Variants in ITGA11 observed in about 807,000 individuals in gnomAD.
ITGA11 encodes the protein integrin alpha-11.
ITGA11 carries 97 observed loss-of-function variants against 141.9 expected under a neutral mutation model. The observed-to-expected ratio is 0.68, with a 90% CI of 0.58 to 0.81. The LOEUF is 0.81. ITGA11 is among the 30% of genes least tolerant of loss of function. ITGA11 has a pLI of 0.00. For synonymous variants in ITGA11, 658 were observed against 624.6 expected, an observed-to-expected ratio of 1.05 and a Z score of -0.80; for missense variants, 1,387 against 1,559.2, an observed-to-expected ratio of 0.89 and a Z score of 1.86.
chr15:68,396,927 A>T (rs1281312793), intron 2 of ITGA11, among the ~76,000 whole-genome samples: 1 of 33,630 alleles, frequency 3.0e-5, no homozygotes, highest in African/African-American at 1.4e-4. Flanking sequence ...TATTTATTAT[A>T]TAATATATAA....
Position 68,303,776 on chromosome 15 carries a change from C to T in ITGA11, c.3491G>A (p.Trp1164Ter). 1 of 1,607,108 alleles carries T rather than the reference C, an allele frequency of 6.2e-7. No homozygotes were observed. Among genetic ancestry groups the T allele is most frequent in the Non-Finnish European group, 8.5e-7 (1 of 1,175,064 alleles). ...LLLALLVLAL[W>*]KLGFFRSARR... ...CTCCCCTGCCAGGGCCCTCACCTTC[C>T]ACAGTGCCAGGACCAGCAGGGCCAG... Residue 1164 changes from tryptophan to a stop codon, truncating the protein, a stop_gained, in exon 29 of 30, where the codon TGG becomes TAG. Coordinates refer to ENST00000315757, the MANE Select transcript of ITGA11 (RefSeq NM_001004439.2). LOFTEE classifies it high-confidence loss of function. This position sits in a 1 kb window ranked among gnomAD's most constrained non-coding sequence, Gnocchi z 5.3.
In ITGA11 at chr15:68,307,529, C is replaced by T. The variant is rs1893239206; in HGVS notation, c.3285+57G>A. 3.3e-6 allele frequency: 5 copies of T among 1,519,178 alleles called. No homozygotes were observed. The South Asian group carries it at 4.7e-5, about 14-fold the overall frequency. 94.1% of individuals were successfully genotyped at this position (1,519,178 alleles called of 1,614,324 possible). On this transcript the variant is annotated intron_variant, in intron 27 of 29. Transcript: ENST00000315757. The surrounding 1 kb of genome is among the most constrained non-coding windows in gnomAD (Gnocchi z 6.1). ...CAGGCAGCCCCAGGTGGAAGACATC[C>T]CAACAGCCGCCCCCTTTCCCTTCTT...
intron 1 of ITGA11, among the ~76,000 whole-genome samples, chr15:68,405,357 C>G (rs1174157895): frequency 2.0e-5 from 3 of 152,018 alleles, no homozygotes; most frequent in African/African-American, 7.2e-5. Context: ...GAGGTCAAGT[C>G]TGGGCTCAGT....
intron 5 of ITGA11, among the ~76,000 whole-genome samples, chr15:68,360,784 C>T (rs1202107685): frequency 6.6e-6 from 1 of 152,182 alleles, no homozygotes; most frequent in Non-Finnish European, 1.5e-5. Context: ...ATCCATGTCT[C>T]ATTATCCCCC....
chr15:68,323,407 T>G (rs1156345772), intron 18 of ITGA11, among the ~76,000 whole-genome samples: 1 of 152,186 alleles, frequency 6.6e-6, no homozygotes, highest in African/African-American at 2.4e-5. Flanking sequence ...TCTGGCTGAT[T>G]AAAATAAATA....
intron 12 of ITGA11, among the ~76,000 whole-genome samples, chr15:68,334,497 G>A (rs146163131): frequency 6.6e-6 from 1 of 152,330 alleles, no homozygotes; most frequent in African/African-American, 2.4e-5. Flanking sequence ...GTGTTTTCAG[G>A]AGAAATCTAT....
Position 68,315,664 on chromosome 15 carries a change from G to A in ITGA11, c.2779C>T (p.Leu927Phe). The A allele has an allele frequency of 6.2e-7, 1 of 1,613,336 alleles. No homozygotes were observed. ...SIFLHHLEIE[L>F]AAGSDSNERD... The stretch of plus-strand genomic sequence containing the variant: ...CACGGCCCTGACCTGCCTGCAGCGA[G>A]CTCGATCTCCAGGTGGTGTAGGAAG... Residue 927 changes from leucine to phenylalanine, a missense_variant, in exon 22 of 30, where the codon CTC (leucine) becomes TTC (phenylalanine). Transcript: ENST00000315757.
In ITGA11 at chr15:68,307,066, C is replaced by T. The variant is rs935958006; in HGVS notation, c.3381+282G>A. The stretch of plus-strand genomic sequence containing the variant: ...TGTAATCTGTAACAATCTGCTTTTA[C>T]GCAACTAACAGAGGCTGATACCGAG... On this transcript the variant is annotated intron_variant, in intron 28 of 29. Coordinates refer to ENST00000315757, the MANE Select transcript of ITGA11 (RefSeq NM_001004439.2). This position sits in a 1 kb window ranked among gnomAD's most constrained non-coding sequence, Gnocchi z 6.1. Among the ~76,000 whole-genome samples the T allele has an allele frequency of 9.2e-5, 14 of 152,228 alleles. No individual in the cohort carries two copies. Among genetic ancestry groups the T allele is most frequent in the Admixed American group, 4.6e-4 (7 of 15,284 alleles).
rs1418217133 is a variant in ITGA11 at position 68,304,361 on chromosome 15, G to A, written c.3382-476C>T. Among the ~76,000 whole-genome samples the A allele has an allele frequency of 6.6e-6, 1 of 152,182 alleles. No individual in the cohort carries two copies. The highest frequency in any genetic ancestry group is 1.9e-4 in the East Asian group (1 of 5,200). On this transcript the variant is annotated intron_variant, in intron 28 of 29. Transcript: ENST00000315757. This position sits in a 1 kb window ranked among gnomAD's most constrained non-coding sequence, Gnocchi z 6.1. ...GCCCATAACACTTTTAGGAGCCCATGAAAATGTTTACATTTCTTTTAAAAT... is the reference window on the plus strand; with the variant it reads ...GCCCATAACACTTTTAGGAGCCCATAAAAATGTTTACATTTCTTTTAAAAT...
chr15:68,382,157 C>T lies in ITGA11; in HGVS notation c.165-12873G>A, dbSNP rs975427145. Among the ~76,000 whole-genome samples, 5 of 152,288 alleles carry T rather than the reference C, an allele frequency of 3.3e-5. No homozygotes were observed. The East Asian group carries it at 9.7e-4, about 29-fold the overall frequency. ...ATAGACTTATTCTTATTTCAAGAAG[C>T]CATAAAGAAACAAAAAGGCTGTGGG... On this transcript the variant is annotated intron_variant, in intron 2 of 29. Transcript: ENST00000315757.
intron 1 of ITGA11, among the ~76,000 whole-genome samples, chr15:68,412,290 C>T (rs565609060): frequency 6.6e-6 from 1 of 152,244 alleles, no homozygotes; most frequent in African/African-American, 2.4e-5. Context: ...TCATTTCCTA[C>T]TCAAGATCTC....
In ITGA11 at chr15:68,321,243, G is replaced by A. The variant is rs1264279160; in HGVS notation, c.2408+175C>T. ...ATATTACAGAAGAGACTTTCCTGAGGTTATGCAGGAGTTGGTGGCAGAGCC... is the reference window on the plus strand; with the variant it reads ...ATATTACAGAAGAGACTTTCCTGAGATTATGCAGGAGTTGGTGGCAGAGCC... On this transcript the variant is annotated intron_variant, in intron 19 of 29. Coordinates refer to ENST00000315757, the MANE Select transcript of ITGA11 (RefSeq NM_001004439.2). This position sits in a 1 kb window ranked among gnomAD's most constrained non-coding sequence, Gnocchi z 4.9. Among the ~76,000 whole-genome samples, 1 of 151,306 alleles carries A rather than the reference G, an allele frequency of 6.6e-6. No homozygotes were observed. The highest frequency in any genetic ancestry group is 2.4e-5 in the African/African-American group (1 of 41,080).
chr15:68,381,887 G>A lies in ITGA11; in HGVS notation c.165-12603C>T, dbSNP rs182829162. Among the ~76,000 whole-genome samples, 185 of 152,252 alleles carry A rather than the reference G, an allele frequency of 1.2e-3. 1 individual carries two copies. The South Asian group carries it at 0.012, about 10-fold the overall frequency. ...CAATTTTGAAGCTGAGGAAACTACA[G>A]CACAGAGAGGCGAAGTCACCCAGCT... On this transcript the variant is annotated intron_variant, in intron 2 of 29. Transcript: ENST00000315757.
At chr15:68,339,680 C>T (rs372235224) in intron 10 of ITGA11, 36 bp from the exon 11 acceptor site, 1 of 1,609,432 alleles carries the variant, frequency 6.2e-7, no homozygotes, top group Admixed American at 1.7e-5. Flanking sequence ...CAGCACCTGT[C>T]CTCATGGGCC....
rs190433342 is a variant in ITGA11 at position 68,394,405 on chromosome 15, T to G, written c.164+8513A>C. Among the ~76,000 whole-genome samples the G allele has an allele frequency of 6.2e-3, 950 of 152,224 alleles. 16 individuals are homozygous for G. Among genetic ancestry groups the G allele is most frequent in the African/African-American group, 0.022 (897 of 41,534 alleles). On this transcript the variant is annotated intron_variant, in intron 2 of 29. Transcript: ENST00000315757. ...ATCATGATGAGAATTAGAAATTATT[T>G]TAACCTGAATGATAATGAAAACATC...
chr15:68,352,540 C>T (rs549977905), intron 7 of ITGA11, among the ~76,000 whole-genome samples: 1 of 152,236 alleles, frequency 6.6e-6, no homozygotes, highest in South Asian at 2.1e-4. Context: ...AGTTGAGACT[C>T]ACTTTCTTTA....
In ITGA11 at chr15:68,339,571, T is replaced by C; in HGVS notation, c.1205A>G (p.Lys402Arg). 6.2e-7 allele frequency: 1 copy of C among 1,613,990 alleles called. No individual in the cohort carries two copies. Among genetic ancestry groups the C allele is most frequent in the Non-Finnish European group, 8.5e-7 (1 of 1,179,884 alleles). ...GTAGGACTCGCGGAGAGGAATGACCTTCCCGGCACTCGTCTCCTTTAGCAC... is the reference window on the plus strand; with the variant it reads ...GTAGGACTCGCGGAGAGGAATGACCCTCCCGGCACTCGTCTCCTTTAGCAC... The part of the protein sequence containing the change: ...GAVLKETSAG[K>R]VIPLRESYLK... The change falls in exon 11 of 30, where the codon AAG becomes AGG. Residue 402 changes from lysine (K) to arginine (R), a missense_variant. Physicochemically the swap from Lys to Arg is conservative, Grantham distance 26. Transcript: ENST00000315757.
At chr15:68,430,839 G>A (rs1486196664) in intron 1 of ITGA11, among the ~76,000 whole-genome samples, 1 of 152,244 alleles carries the variant, frequency 6.6e-6, no homozygotes. Context: ...CCTCTGAGAA[G>A]CTCCTCTGTA....
intron 7 of ITGA11, among the ~76,000 whole-genome samples, chr15:68,352,117 C>G (rs1325966266): frequency 6.6e-6 from 1 of 150,744 alleles, no homozygotes; most frequent in Non-Finnish European, 1.5e-5. Context: ...AACAAACAAA[C>G]AAACACCATT....
Sources: gnomAD v4.1 joint callset for allele counts (sites outside exome capture counted in the v4.1 genomes callset) on GRCh38, gnomAD v4.1.1 for gene constraint, Gnocchi (gnomAD v3.1) non-coding constraint, MANE v1.5 for transcripts, NCBI Gene and HGNC (gene_info 2026-07-23, HGNC 2026-07-21) for gene names.